AGO3: variants seen among roughly 807,000 people sequenced by gnomAD.
AGO3 encodes argonaute RISC catalytic component 3, also known as protein argonaute-3.
In AGO3, 16 loss-of-function variants were observed where a neutral mutation model predicts 105.5. The observed-to-expected ratio is 0.15, with a 90% confidence interval of 0.10 to 0.23. The LOEUF (loss-of-function observed/expected upper bound fraction) is 0.23. Among genes scored for constraint, AGO3 ranks in the 10% least tolerant of loss-of-function variants. The pLI is 1.00. For missense variants in AGO3, 534 were observed against 1,088.0 expected (o/e 0.49, Z 7.16); for synonymous variants, 340 against 367.3 (o/e 0.93, Z 0.85).
At chr1:35,974,595 G>A (rs1170936952) in intron 5 of AGO3, among the ~76,000 whole-genome samples, 1 of 152,108 alleles carries the variant, frequency 6.6e-6, no homozygotes, top group Non-Finnish European at 1.5e-5. Context: ...CCCAATTTTA[G>A]TGATTCAAAA....
chr1:36,055,017 G>A lies in AGO3; in HGVS notation c.2346G>A (p.Leu782=). The A allele has an allele frequency of 1.2e-6, 2 of 1,614,182 alleles. No homozygotes were observed. Among genetic ancestry groups the A allele is most frequent in the Non-Finnish European group, 1.7e-6 (2 of 1,180,038 alleles). The change falls in exon 18 of 19, where the codon CTG becomes CTA. Residue 782 remains leucine (L), a synonymous_variant. Transcript: ENST00000373191. This position sits in a 1 kb window ranked among gnomAD's most constrained non-coding sequence, Gnocchi z 4.4. ...GCTTTACTGCAGATGAACTTCAGCT[G>A]CTAACTTACCAGCTCTGCCACACTT... ...DNCFTADELQ[L]LTYQLCHTYV...
chr1:35,981,046 T>C (rs1647043570), intron 5 of AGO3, among the ~76,000 whole-genome samples: 1 of 152,174 alleles, frequency 6.6e-6, no homozygotes, highest in South Asian at 2.1e-4. Context: ...ACAACTCCTG[T>C]TGACTGGTTA....
intron 5 of AGO3, among the ~76,000 whole-genome samples, chr1:35,997,513 G>T (rs1252559205): frequency 1.3e-5 from 2 of 152,204 alleles, no homozygotes; most frequent in Non-Finnish European, 2.9e-5. Flanking sequence ...AGTGTACTGT[G>T]TTGCCAGATG....
intron 5 of AGO3, among the ~76,000 whole-genome samples, chr1:35,979,424 C>G (rs1376635626): frequency 6.6e-6 from 1 of 151,890 alleles, no homozygotes; most frequent in African/African-American, 2.4e-5. Context: ...TTTTTTGTAG[C>G]CCAATATACG....
At chr1:35,988,061 C>G (rs1376903576) in intron 5 of AGO3, among the ~76,000 whole-genome samples, 1 of 151,910 alleles carries the variant, frequency 6.6e-6, no homozygotes, top group Non-Finnish European at 1.5e-5. Context: ...GAGCAAGACT[C>G]TGTCTCAAAG....
At chr1:36,009,089 C>CTTTTTTTTTTTTTTTTT in intron 8 of AGO3, 45 bp downstream of exon 8, 2 of 1,474,640 alleles carry the variant, frequency 1.4e-6, no homozygotes, top group Non-Finnish European at 8.8e-7. Context: ...GTTCATGATT[C>CTTTTTTTTTTTTTTTTT]TTTTGGGGTC....
chr1:35,971,412 GC>G (rs953140062), intron 3 of AGO3, among the ~76,000 whole-genome samples: 2 of 151,046 alleles, frequency 1.3e-5, no homozygotes. Context: ...GCCTGCCTCA[GC>G]CCCCCAAAGT....
At chr1:35,984,812 G>A (rs1158552653) in intron 5 of AGO3, among the ~76,000 whole-genome samples, 1 of 152,174 alleles carries the variant, frequency 6.6e-6, no homozygotes, top group Non-Finnish European at 1.5e-5. Context: ...AATATTTGTA[G>A]TAGTATGTGA....
intron 1 of AGO3, among the ~76,000 whole-genome samples, chr1:35,935,115 A>G (rs1288431775): frequency 6.6e-6 from 1 of 152,226 alleles, no homozygotes; most frequent in Non-Finnish European, 1.5e-5. Flanking sequence ...TATGACTTAA[A>G]AAAAATATAT....
intron 11 of AGO3, among the ~76,000 whole-genome samples, chr1:36,016,422 T>C (rs960622692): frequency 6.6e-6 from 1 of 152,184 alleles, no homozygotes; most frequent in African/African-American, 2.4e-5. Context: ...CCTGAGGTGA[T>C]CTGCCTGCCT....
chr1:35,957,715 G>C lies in AGO3; in HGVS notation c.192-9240G>C, dbSNP rs566213733. ...CACTCCAGCCTGGGCAACAGAGTGTGATTCCATCTCAAAAAAACAAAAATG... is the reference window on the plus strand; with the variant it reads ...CACTCCAGCCTGGGCAACAGAGTGTCATTCCATCTCAAAAAAACAAAAATG... On this transcript the variant is annotated intron_variant, in intron 2 of 18. Transcript: ENST00000373191. 1.2e-4 allele frequency among the ~76,000 whole-genome samples: 18 copies of C among 152,156 alleles called. No individual in the cohort carries two copies. In the South Asian group the frequency reaches 3.5e-3, roughly 30 times the overall value.
chr1:36,016,050 A>T (rs1318530127), intron 11 of AGO3, among the ~76,000 whole-genome samples: 1 of 152,212 alleles, frequency 6.6e-6, no homozygotes, highest in Non-Finnish European at 1.5e-5. Flanking sequence ...ACAGAAACAG[A>T]TGGATTGGTT....
intron 11 of AGO3, among the ~76,000 whole-genome samples, chr1:36,024,818 C>A (rs1641423336): frequency 6.6e-6 from 1 of 152,136 alleles, no homozygotes; most frequent in African/African-American, 2.4e-5. Flanking sequence ...ATATCTTTCA[C>A]CAGTCTCTTA....
At position 36,058,334 on chromosome 1, in the gene AGO3, TTAAGG is replaced by T. The variant is rs1422013397; in HGVS notation, c.*2592_*2596del. 1.3e-5 allele frequency: 2 copies of T among 152,204 alleles called. No individual in the cohort carries two copies. Among genetic ancestry groups the T allele is most frequent in the Non-Finnish European group, 2.9e-5 (2 of 68,032 alleles). 9.4% of individuals were successfully genotyped at this position (152,204 alleles called of 1,614,324 possible). On this transcript the variant is annotated 3_prime_UTR_variant, in exon 19 of 19. Transcript: ENST00000373191. The stretch of plus-strand genomic sequence containing the variant: ...TTACAAAACTTTTATTGATTACACT[TTAAGG>T]TATTAAAAAGTACTATAAAGCTATC...
chr1:36,050,234 C>G (rs1442335829), intron 17 of AGO3, among the ~76,000 whole-genome samples: 1 of 152,146 alleles, frequency 6.6e-6, no homozygotes, highest in African/African-American at 2.4e-5. Flanking sequence ...GCCTATAATC[C>G]CAGTACTTTG....
chr1:36,031,182 T>G (rs545969992), intron 12 of AGO3, among the ~76,000 whole-genome samples: 9 of 152,288 alleles, frequency 5.9e-5, no homozygotes, highest in Admixed American at 3.9e-4. Flanking sequence ...TTTGTTTTGT[T>G]TTTTAGAGAC....
At chr1:36,000,888 T>A (rs894050474) in intron 5 of AGO3, among the ~76,000 whole-genome samples, 3 of 152,022 alleles carry the variant, frequency 2.0e-5, no homozygotes, top group African/African-American at 7.2e-5. Context: ...ATTTCTAAAG[T>A]TTATTTGGAT....
intron 2 of AGO3, among the ~76,000 whole-genome samples, chr1:35,961,410 T>A (rs1646674369): frequency 6.6e-6 from 1 of 152,198 alleles, no homozygotes. Context: ...GTAGTGTAAT[T>A]TACTTTTGAA....
chr1:36,047,448 G>GA (rs769402335), intron 17 of AGO3, among the ~76,000 whole-genome samples: 5 of 145,784 alleles, frequency 3.4e-5, no homozygotes, highest in African/African-American at 5.0e-5. Context: ...ATCGGAGTCA[G>GA]AAAAAAAAAA....
Sources: gnomAD v4.1 joint callset for allele counts (sites outside exome capture counted in the v4.1 genomes callset) on GRCh38, gnomAD v4.1.1 for gene constraint, Gnocchi (gnomAD v3.1) non-coding constraint, MANE v1.5 for transcripts, NCBI Gene and HGNC (gene_info 2026-07-23, HGNC 2026-07-21) for gene names.